Variants in PTPN13 observed in about 807,000 individuals in gnomAD.
PTPN13 encodes tyrosine-protein phosphatase non-receptor type 13.
PTPN13 carries 191 observed loss-of-function variants against 284.0 expected under a neutral mutation model. That is an observed-to-expected ratio of 0.67 (90% CI 0.60 to 0.76). PTPN13 has a LOEUF of 0.76. Among genes scored for constraint, PTPN13 ranks in the 30% least tolerant of loss-of-function variants. The pLI is 0.00. For synonymous variants in PTPN13, 986 were observed against 1,022.3 expected, an observed-to-expected ratio of 0.96 and a Z score of 0.68; for missense variants, 2,797 against 2,939.9, an observed-to-expected ratio of 0.95 and a Z score of 1.12.
intron 5 of PTPN13, among the ~76,000 whole-genome samples, chr4:86,690,473 G>C (rs999788777): frequency 2.0e-5 from 3 of 151,964 alleles, no homozygotes; most frequent in Non-Finnish European, 4.4e-5. Context: ...CCTTCAAGAA[G>C]AATAGGCATG....
chr4:86,697,303 T>C (rs1175152879), intron 6 of PTPN13, among the ~76,000 whole-genome samples: 1 of 152,112 alleles, frequency 6.6e-6, no homozygotes, highest in Admixed American at 6.5e-5. Context: ...GAGTAGTCTT[T>C]AATAAAGAAA....
intron 2 of PTPN13, among the ~76,000 whole-genome samples, chr4:86,671,789 C>T (rs565999777): frequency 1.5e-4 from 23 of 152,240 alleles, no homozygotes; most frequent in African/African-American, 5.3e-4. Context: ...TAGTTAGAAA[C>T]CTTGTGAATG....
intron 2 of PTPN13, among the ~76,000 whole-genome samples, chr4:86,644,442 G>A (rs1724182587): frequency 6.6e-6 from 1 of 152,086 alleles, no homozygotes; most frequent in Non-Finnish European, 1.5e-5. Flanking sequence ...ACCTGGCCAA[G>A]GTGATTTAAT....
At chr4:86,733,412 C>A (rs181863323) in intron 12 of PTPN13, among the ~76,000 whole-genome samples, 84 of 151,922 alleles carry the variant, frequency 5.5e-4, no homozygotes, top group South Asian at 2.1e-3. Flanking sequence ...TCCTGTTTAC[C>A]TCAAAATTTA....
chr4:86,738,042 A>G (rs1005958593), intron 15 of PTPN13, among the ~76,000 whole-genome samples: 5 of 152,096 alleles, frequency 3.3e-5, no homozygotes, highest in African/African-American at 1.2e-4. Context: ...TAATACTTTT[A>G]AGATTCATCC....
At chr4:86,693,999 T>C (rs1249893953) in intron 6 of PTPN13, among the ~76,000 whole-genome samples, 8 of 151,950 alleles carry the variant, frequency 5.3e-5, no homozygotes. Flanking sequence ...CATGACTAAA[T>C]AAACACATGT....
In PTPN13 at chr4:86,751,108, G is replaced by A; in HGVS notation, c.3150G>A (p.Gly1050=). The change falls in exon 19 of 48, where the codon GGG becomes GGA. Residue 1050 remains glycine (G), a synonymous_variant. Coordinates refer to ENST00000411767, the MANE Select transcript of PTPN13 (RefSeq NM_080683.3). ...ESDSSSIEDP[G]QAYVLGMTMH... is the part of the protein sequence containing the mutation. ...ACTCCTCATCCATTGAAGACCCTGGGCAAGCATATGTTCTAGGTCAGCAAA... is the reference window on the plus strand; with the variant it reads ...ACTCCTCATCCATTGAAGACCCTGGACAAGCATATGTTCTAGGTCAGCAAA... 1 of 1,596,878 alleles carries A rather than the reference G, an allele frequency of 6.3e-7. No homozygotes were observed. The highest frequency in any genetic ancestry group is 8.6e-7 in the Non-Finnish European group (1 of 1,164,894).
At chr4:86,604,998 G>T (rs530713209) in intron 1 of PTPN13, among the ~76,000 whole-genome samples, 1 of 152,070 alleles carries the variant, frequency 6.6e-6, no homozygotes, top group Admixed American at 6.6e-5. Flanking sequence ...TAGAGTGTGA[G>T]CTGAGTCTTG....
chr4:86,791,771 T>G (rs1010961671), intron 40 of PTPN13, among the ~76,000 whole-genome samples: 1 of 152,058 alleles, frequency 6.6e-6, no homozygotes, highest in Non-Finnish European at 1.5e-5. Context: ...GAGGGGCCTG[T>G]TAGAAGGGAA....
intron 3 of PTPN13, among the ~76,000 whole-genome samples, chr4:86,676,058 GC>G (rs148343451): frequency 2.8e-4 from 43 of 152,288 alleles, no homozygotes; most frequent in Middle Eastern, 6.8e-3. Context: ...CCCAAGCTTA[GC>G]AGAAGCCTCA....
In PTPN13 at chr4:86,799,204, G is replaced by A. The variant is rs769859207; in HGVS notation, c.6505G>A (p.Asp2169Asn). 4.6e-6 allele frequency: 7 copies of A among 1,516,100 alleles called. No individual in the cohort carries two copies. The South Asian group carries it at 9.1e-5, about 20-fold the overall frequency. The allele number at this position is 1,516,100 out of a possible 1,614,324, so 93.9% of individuals were successfully genotyped here. Residue 2169 changes from aspartate (D) to asparagine (N), a missense_variant and splice_region_variant, in exon 42 of 48, where the codon GAT (aspartate) becomes AAT (asparagine). By Grantham distance (23) the Asp-to-Asn change is conservative. Coordinates refer to ENST00000411767, the MANE Select transcript of PTPN13 (RefSeq NM_080683.3). ...ERTNHEDSDK[D>N]HSFLTNDELA... ...AACAAACCATGAAGATTCTGATAAA[G>A]GCAAGAATTTTAATGACAGTTTTTT...
At chr4:86,691,856 T>C (rs572839109) in intron 5 of PTPN13, among the ~76,000 whole-genome samples, 1 of 152,278 alleles carries the variant, frequency 6.6e-6, no homozygotes, top group South Asian at 2.1e-4. Context: ...TGAGTGACCA[T>C]CATTCTTACT....
At chr4:86,657,614 G>A (rs1726006504) in intron 2 of PTPN13, among the ~76,000 whole-genome samples, 1 of 152,194 alleles carries the variant, frequency 6.6e-6, no homozygotes, top group South Asian at 2.1e-4. Flanking sequence ...CAGTACTGGA[G>A]TTCACCAGTA....
rs559848593 is a variant in PTPN13, at chr4:86,717,290, G to A, written c.1385+173G>A. Among the ~76,000 whole-genome samples, 9 of 150,260 alleles carry A rather than the reference G, an allele frequency of 6.0e-5. No homozygotes were observed. In the East Asian group the frequency reaches 1.2e-3, roughly 20 times the overall value. ...TGCAACCTCCTTCTCCCAGGTTCACGCAATTCTTTTGCCTCAGTCTCCCGA... is the reference window on the plus strand; with the variant it reads ...TGCAACCTCCTTCTCCCAGGTTCACACAATTCTTTTGCCTCAGTCTCCCGA... On this transcript the variant is annotated intron_variant, in intron 9 of 47. Coordinates refer to ENST00000411767, the MANE Select transcript of PTPN13 (RefSeq NM_080683.3).
chr4:86,611,648 T>C (rs1265654256), intron 1 of PTPN13, among the ~76,000 whole-genome samples: 1 of 152,188 alleles, frequency 6.6e-6, no homozygotes, highest in Non-Finnish European at 1.5e-5. Flanking sequence ...TACCTCTACT[T>C]ACTACCTTGA....
rs148059206 is a variant in PTPN13, at chr4:86,775,470, C to T, written c.5709C>T (p.Ser1903=). 440 of 1,608,728 alleles carry T rather than the reference C, an allele frequency of 2.7e-4. 2 individuals carry two copies. The African/African-American group carries it at 5.3e-3, about 20-fold the overall frequency. Reference sequence around the variant, plus strand: ...TTTCCTTATGTGGAGGTCATGACAGCCTTTATCAAGTGGTATATATTAGTG... The same window carrying T: ...TTTCCTTATGTGGAGGTCATGACAGTCTTTATCAAGTGGTATATATTAGTG... The part of the protein sequence containing the change: ...LGFSLCGGHD[S]LYQVVYISDI... Residue 1903 remains serine, a synonymous_variant, in exon 35 of 48, where the codon AGC becomes AGT. Coordinates refer to ENST00000411767, the MANE Select transcript of PTPN13 (RefSeq NM_080683.3).
intron 7 of PTPN13, among the ~76,000 whole-genome samples, chr4:86,706,982 G>A (rs547281447): frequency 6.6e-6 from 1 of 152,046 alleles, no homozygotes; most frequent in Non-Finnish European, 1.5e-5. Flanking sequence ...CAAGATCTGA[G>A]TAGTTGTCTG....
In PTPN13 at chr4:86,735,664, C is replaced by G. The variant is rs1735410273; in HGVS notation, c.2222C>G (p.Ser741Cys). The change falls in exon 15 of 48, where the codon TCC becomes TGC. Residue 741 changes from serine (S) to cysteine (C), a missense_variant. Physicochemically the swap from Ser to Cys is moderately radical, Grantham distance 112. Coordinates refer to ENST00000411767, the MANE Select transcript of PTPN13 (RefSeq NM_080683.3). ...PARVMEKLDL[S>C]YIKEELPKLH... The stretch of plus-strand genomic sequence containing the variant: ...AGAGTGATGGAGAAACTTGATTTAT[C>G]CTATATCAAAGAAGAGTTACCCAAA... 6.2e-7 allele frequency: 1 copy of G among 1,613,348 alleles called. No homozygotes were observed. Among genetic ancestry groups the G allele is most frequent in the East Asian group, 2.2e-5 (1 of 44,828 alleles).
At chr4:86,765,563 AACTG>A (rs1339814026) in intron 26 of PTPN13, 75 bp downstream of exon 26, 2 of 1,021,858 alleles carry the variant, frequency 2.0e-6, no homozygotes, top group Non-Finnish European at 2.9e-6. Context: ...TAAAGTTGAT[AACTG>A]ACCTTCAAAT....
Sources: allele counts gnomAD v4.1 joint callset (sites outside exome capture counted in the v4.1 genomes callset), GRCh38; gene constraint gnomAD v4.1.1; transcripts MANE v1.5; gene names NCBI Gene and HGNC (gene_info 2026-07-23, HGNC 2026-07-21).